The following DLC1 variants were observed in gnomAD, a reference collection of about 807,000 sequenced individuals.
DLC1 encodes the protein rho GTPase-activating protein 7.
Under a neutral mutation model 140.3 loss-of-function variants are expected in DLC1, and 54 were observed. That is an observed-to-expected ratio of 0.38 (90% CI 0.31 to 0.48). The LOEUF (loss-of-function observed/expected upper bound fraction) is 0.48, where lower values mean the gene tolerates loss of function less well. DLC1 is among the 20% of genes least tolerant of loss of function. DLC1 has a pLI of 0.96. For synonymous variants in DLC1, 986 were observed against 728.1 expected (o/e 1.35, Z -5.70); for missense variants, 2,536 against 1,907.0 (o/e 1.33, Z -6.14).
At chr8:13,145,259 G>T (rs1161040509) in intron 5 of DLC1, among the ~76,000 whole-genome samples, 1 of 151,050 alleles carries the variant, frequency 6.6e-6, no homozygotes, top group African/African-American at 2.5e-5. Context: ...ACCCAGTTCA[G>T]AAAAAGCACA....
intron 4 of DLC1, among the ~76,000 whole-genome samples, chr8:13,372,655 C>T (rs1631936): frequency 0.48 from 72,233 of 151,810 alleles, 17,706 homozygotes; most frequent in East Asian, 0.77. Flanking sequence ...AAACTATTTC[C>T]TCATCTTTGT....
At chr8:13,552,091 G>A (rs1803879321) in intron 1 of DLC1, among the ~76,000 whole-genome samples, 3 of 80,664 alleles carry the variant, frequency 3.7e-5, no homozygotes, top group Admixed American at 1.6e-4. Flanking sequence ...CTATATATAT[G>A]TATGTACCTG....
chr8:13,247,402 T>A (rs886511486), intron 5 of DLC1, among the ~76,000 whole-genome samples: 2 of 152,228 alleles, frequency 1.3e-5, no homozygotes, highest in Non-Finnish European at 2.9e-5. Flanking sequence ...TTATGGTAGT[T>A]GTTAACAATT....
intron 1 of DLC1, among the ~76,000 whole-genome samples, chr8:13,524,188 A>T (rs1585241059): frequency 6.7e-6 from 1 of 149,908 alleles, no homozygotes; most frequent in Non-Finnish European, 1.5e-5. Context: ...CCCAGGCTGG[A>T]GTGCAGTGGC....
chr8:13,441,633 C>T (rs1431458245), intron 2 of DLC1, among the ~76,000 whole-genome samples: 2 of 152,026 alleles, frequency 1.3e-5, no homozygotes, highest in Non-Finnish European at 2.9e-5. Flanking sequence ...AATAAAATAC[C>T]TAGGAATCCA....
In DLC1 at chr8:13,554,436, G is replaced by T. The variant is rs79921346; in HGVS notation, c.-126+50101C>A. On this transcript the variant is annotated intron_variant, in intron 1 of 1. Transcript: ENST00000631382. The stretch of plus-strand genomic sequence containing the variant: ...CCCCTTGGTGTCAGACTTATGTACT[G>T]AAATACCTGTTTTACATCTCCACTT... Among the ~76,000 whole-genome samples, 1,374 of 152,210 alleles carry T rather than the reference G, an allele frequency of 9.0e-3. 24 individuals are homozygous for T. The highest frequency in any genetic ancestry group is 0.032 in the African/African-American group (1,313 of 41,504).
intron 5 of DLC1, among the ~76,000 whole-genome samples, chr8:13,277,226 C>A (rs1831208327): frequency 6.6e-6 from 1 of 152,150 alleles, no homozygotes; most frequent in African/African-American, 2.4e-5. Flanking sequence ...AGGGAAAAAT[C>A]GCTTGAGCCC....
intron 4 of DLC1, among the ~76,000 whole-genome samples, chr8:13,370,513 A>G (rs538444376): frequency 6.6e-6 from 1 of 152,226 alleles, no homozygotes; most frequent in East Asian, 1.9e-4. Context: ...CCACACAGAG[A>G]TATTTAAACT....
chr8:13,114,639 G>C (rs1820391118), intron 6 of DLC1, among the ~76,000 whole-genome samples: 4 of 152,064 alleles, frequency 2.6e-5, no homozygotes, highest in African/African-American at 9.7e-5. Flanking sequence ...TGGTGGGAAA[G>C]ATATCTGCAA....
intron 5 of DLC1, among the ~76,000 whole-genome samples, chr8:13,122,265 T>C (rs1276014645): frequency 6.6e-6 from 1 of 152,180 alleles, no homozygotes; most frequent in Non-Finnish European, 1.5e-5. Flanking sequence ...CATCTGCCTA[T>C]CCACTCAACT....
intron 2 of DLC1, among the ~76,000 whole-genome samples, chr8:13,462,263 C>T (rs771176006): frequency 1.8e-4 from 28 of 152,076 alleles, no homozygotes; most frequent in Non-Finnish European, 3.8e-4. Flanking sequence ...GTCATTTTAT[C>T]CTGTAGTGTC....
intron 5 of DLC1, among the ~76,000 whole-genome samples, chr8:13,120,777 G>A (rs1563638935): frequency 6.6e-6 from 1 of 152,134 alleles, no homozygotes; most frequent in Non-Finnish European, 1.5e-5. Context: ...TTAGATGGAT[G>A]AGTCCCGGAC....
At chr8:13,106,854 A>C (rs1819607744) in intron 7 of DLC1, among the ~76,000 whole-genome samples, 1 of 152,240 alleles carries the variant, frequency 6.6e-6, no homozygotes, top group Admixed American at 6.5e-5. Context: ...ATTCCAAAGG[A>C]AAATAGCAAT....
intron 2 of DLC1, among the ~76,000 whole-genome samples, chr8:13,432,829 G>A (rs1838945879): frequency 2.0e-5 from 3 of 152,172 alleles, no homozygotes; most frequent in South Asian, 4.2e-4. Context: ...ACATTAGACT[G>A]CGCTGACAAG....
At chr8:13,297,312 A>G (rs1484839784) in intron 5 of DLC1, among the ~76,000 whole-genome samples, 1 of 145,900 alleles carries the variant, frequency 6.9e-6, no homozygotes, top group African/African-American at 2.5e-5. Context: ...GCAAGTATTT[A>G]TAAGCCATTA....
intron 2 of DLC1, among the ~76,000 whole-genome samples, chr8:13,487,171 A>G (rs1224554266): frequency 6.6e-6 from 1 of 152,228 alleles, no homozygotes; most frequent in African/African-American, 2.4e-5. Flanking sequence ...CTTCTACTCC[A>G]GGTTTCAACA....
chr8:13,098,034 G>A (rs200513406), intron 10 of DLC1, among the ~76,000 whole-genome samples: 282 of 68,594 alleles, frequency 4.1e-3, no homozygotes, highest in South Asian at 5.3e-3. Flanking sequence ...AAGGAAAAAA[G>A]AAAAAAAAAA....
At chr8:13,306,768 T>A (rs1301847838) in intron 4 of DLC1, among the ~76,000 whole-genome samples, 2 of 152,062 alleles carry the variant, frequency 1.3e-5, no homozygotes, top group Non-Finnish European at 2.9e-5. Context: ...ATAATTCAGC[T>A]AAGGTAAAGA....
intron 2 of DLC1, among the ~76,000 whole-genome samples, chr8:13,477,375 C>T (rs576242841): frequency 5.3e-5 from 8 of 152,290 alleles, no homozygotes; most frequent in Admixed American, 3.3e-4. Flanking sequence ...TGTACAGCCA[C>T]TACTGAGAAG....
Sources: allele counts gnomAD v4.1 joint callset (sites outside exome capture counted in the v4.1 genomes callset), GRCh38; gene constraint gnomAD v4.1.1; transcripts MANE v1.5; gene names NCBI Gene and HGNC (gene_info 2026-07-23, HGNC 2026-07-21).